ETV6: variants seen among roughly 807,000 people sequenced by gnomAD.
ETV6 encodes ETS variant transcription factor 6, also known as transcription factor ETV6.
Under a neutral mutation model 51.1 loss-of-function variants are expected in ETV6, and 16 were observed. The observed-to-expected ratio is 0.31, with a 90% CI of 0.21 to 0.48. ETV6 has a LOEUF of 0.48. Ranked by LOEUF, ETV6 falls within the 20% of genes least tolerant of loss-of-function variation. The pLI is 0.99. For synonymous variants in ETV6, 240 were observed against 224.1 expected, an observed-to-expected ratio of 1.07 and a Z score of -0.64; for missense variants, 458 against 594.8, an observed-to-expected ratio of 0.77 and a Z score of 2.39.
At chr12:11,705,110 A>G (rs1865049939) in intron 1 of ETV6, among the ~76,000 whole-genome samples, 1 of 152,224 alleles carries the variant, frequency 6.6e-6, no homozygotes, top group African/African-American at 2.4e-5. Context: ...TAGAGACTTA[A>G]TGTACAACGC....
In ETV6 at chr12:11,823,591, C is replaced by T. The variant is rs144630518; in HGVS notation, c.164-15549C>T. On this transcript the variant is annotated intron_variant, in intron 2 of 7. Coordinates refer to ENST00000396373, the MANE Select transcript of ETV6 (RefSeq NM_001987.5). ...AAATGATTCTCTTGCCTCAGCCTTCCAAGTAACTGGGATGACAGGCTCCCA... is the reference window on the plus strand; with the variant it reads ...AAATGATTCTCTTGCCTCAGCCTTCTAAGTAACTGGGATGACAGGCTCCCA... Among the ~76,000 whole-genome samples, 909 of 151,952 alleles carry T rather than the reference C, an allele frequency of 6.0e-3. 6 individuals are homozygous for T. The highest frequency in any genetic ancestry group is 0.014 in the Middle Eastern group (4 of 294).
intron 1 of ETV6, among the ~76,000 whole-genome samples, chr12:11,689,809 T>TCCCCCCC (rs796644073): frequency 2.1e-5 from 1 of 47,086 alleles, no homozygotes; most frequent in Admixed American, 2.9e-4. Flanking sequence ...TCTTTTTCCC[T>TCCCCCCC]CCCCCCCCCC....
chr12:11,768,913 C>T (rs754432685), intron 2 of ETV6: 6 of 481,658 alleles, frequency 1.2e-5, no homozygotes, highest in South Asian at 9.0e-5. Context: ...CTTGGAAATA[C>T]CATTTGTGAC....
In ETV6 at chr12:11,891,730, G is replaced by A. The variant is rs72552352; in HGVS notation, c.*684G>A. 77 of 425,468 alleles carry A rather than the reference G, an allele frequency of 1.8e-4. No individual in the cohort carries two copies. The highest frequency in any genetic ancestry group is 3.0e-4 in the Non-Finnish European group (67 of 222,288). The allele number at this position is 425,468 out of a possible 1,614,324, so 26.4% of individuals were successfully genotyped here. ...TGCAGTTGAGATTCAGATGCCTTCT[G>A]ACAGAGTTCAGCCTCTTGGAGAGTC... On this transcript the variant is annotated 3_prime_UTR_variant, in exon 8 of 8. Transcript: ENST00000396373.
intron 1 of ETV6, among the ~76,000 whole-genome samples, chr12:11,687,270 C>G (rs923376862): frequency 6.6e-6 from 1 of 150,744 alleles, no homozygotes; most frequent in African/African-American, 2.4e-5. Context: ...CCACGCCCCC[C>G]ACCAGGTTCA....
At chr12:11,835,790 C>T (rs1946307245) in intron 2 of ETV6, among the ~76,000 whole-genome samples, 1 of 152,160 alleles carries the variant, frequency 6.6e-6, no homozygotes, top group Non-Finnish European at 1.5e-5. Flanking sequence ...AAACCAGTCT[C>T]AATTCTGGAT....
At chr12:11,695,048 G>C (rs1327194572) in intron 1 of ETV6, among the ~76,000 whole-genome samples, 2 of 152,170 alleles carry the variant, frequency 1.3e-5, no homozygotes, top group Admixed American at 1.3e-4. Context: ...GGATACCGAA[G>C]ACAGGCCCAT....
At chr12:11,863,050 C>T (rs1005800830) in intron 4 of ETV6, among the ~76,000 whole-genome samples, 1 of 152,194 alleles carries the variant, frequency 6.6e-6, no homozygotes, top group Non-Finnish European at 1.5e-5. Flanking sequence ...CTCTGACCAG[C>T]ATCCGTGGGC....
intron 2 of ETV6, among the ~76,000 whole-genome samples, chr12:11,820,043 A>G (rs559530763): frequency 1.7e-4 from 26 of 152,286 alleles, no homozygotes; most frequent in African/African-American, 5.5e-4. Flanking sequence ...CATACCCCAC[A>G]CTGTTCTAAG....
rs184669471 is a variant in ETV6 at position 11,852,692 on chromosome 12, C to T, written c.329-735C>T. On this transcript the variant is annotated intron_variant, in intron 3 of 7. Transcript: ENST00000396373. The stretch of plus-strand genomic sequence containing the variant: ...AATTGGGATAGTTTAAATTCCCTGC[C>T]ATTGTTCGGCAGCTACTGAAGCAGT... Among the ~76,000 whole-genome samples, 288 of 152,272 alleles carry T rather than the reference C, an allele frequency of 1.9e-3. 1 individual carries two copies. The highest frequency in any genetic ancestry group is 6.6e-3 in the African/African-American group (273 of 41,546).
At chr12:11,833,220 CTG>C (rs1223097222) in intron 2 of ETV6, among the ~76,000 whole-genome samples, 1 of 152,120 alleles carries the variant, frequency 6.6e-6, no homozygotes, top group Non-Finnish European at 1.5e-5. Flanking sequence ...AGATATTGGC[CTG>C]TGTGTTTCAT....
intron 2 of ETV6, among the ~76,000 whole-genome samples, chr12:11,823,077 G>A (rs888595212): frequency 3.3e-5 from 5 of 152,176 alleles, no homozygotes; most frequent in African/African-American, 4.8e-5. Flanking sequence ...CAGGAAAAGC[G>A]AAGTTAGAGC....
intron 1 of ETV6, among the ~76,000 whole-genome samples, chr12:11,685,576 A>T (rs1864613539): frequency 6.6e-6 from 1 of 152,084 alleles, no homozygotes; most frequent in Non-Finnish European, 1.5e-5. Flanking sequence ...GTGGGAAGCA[A>T]ATGTACAAAA....
intron 1 of ETV6, among the ~76,000 whole-genome samples, chr12:11,723,236 C>T (rs1865425557): frequency 7.0e-6 from 1 of 143,256 alleles, no homozygotes. Context: ...GGCAAGTGTG[C>T]ATTGTAGGTT....
chr12:11,827,867 C>T (rs1471837184), intron 2 of ETV6, among the ~76,000 whole-genome samples: 2 of 152,168 alleles, frequency 1.3e-5, no homozygotes, highest in African/African-American at 2.4e-5. Context: ...AATTTTCATC[C>T]CTCTTTATTC....
intron 1 of ETV6, among the ~76,000 whole-genome samples, chr12:11,673,357 G>A (rs1332723251): frequency 6.6e-6 from 1 of 152,096 alleles, no homozygotes; most frequent in African/African-American, 2.4e-5. Context: ...GGCTGATGTT[G>A]GAGAGAAGGG....
chr12:11,697,230 T>C (rs1864893496), intron 1 of ETV6, among the ~76,000 whole-genome samples: 1 of 152,196 alleles, frequency 6.6e-6, no homozygotes, highest in East Asian at 1.9e-4. Context: ...ACTTGATGGG[T>C]CCTGAATGTC....
At chr12:11,697,636 G>T (rs12817477) in intron 1 of ETV6, among the ~76,000 whole-genome samples, 5 of 152,162 alleles carry the variant, frequency 3.3e-5, no homozygotes, top group African/African-American at 1.2e-4. Flanking sequence ...AAGTTTAAGT[G>T]GGGATACTGA....
chr12:11,743,581 G>A (rs571209290), intron 1 of ETV6, among the ~76,000 whole-genome samples: 12 of 152,122 alleles, frequency 7.9e-5, no homozygotes, highest in African/African-American at 2.4e-4. Flanking sequence ...ATTATTCAGC[G>A]GTTCTCCACA....
Sources: allele counts gnomAD v4.1 joint callset (sites outside exome capture counted in the v4.1 genomes callset), GRCh38; gene constraint gnomAD v4.1.1; transcripts MANE v1.5; gene names NCBI Gene and HGNC (gene_info 2026-07-23, HGNC 2026-07-21).